HS3ST5: variants seen among roughly 807,000 people sequenced by gnomAD.
The protein encoded by HS3ST5 is heparan sulfate-glucosamine 3-sulfotransferase 5, also known as heparan sulfate glucosamine 3-O-sulfotransferase 5.
Under a neutral mutation model 25.4 loss-of-function variants are expected in HS3ST5, and 10 were observed. The observed-to-expected ratio is 0.39, with a 90% CI of 0.24 to 0.67. HS3ST5 has a LOEUF of 0.67. HS3ST5 is among the 30% of genes least tolerant of loss of function. The pLI is 0.44. For missense variants in HS3ST5, 324 were observed against 420.7 expected (o/e 0.77, Z 2.01); for synonymous variants, 170 against 162.4 (o/e 1.05, Z -0.36).
intron 2 of HS3ST5, among the ~76,000 whole-genome samples, chr6:114,213,663 T>A (rs1452919434): frequency 6.6e-6 from 1 of 152,068 alleles, no homozygotes; most frequent in Non-Finnish European, 1.5e-5. Flanking sequence ...TAAGGTACAA[T>A]CCCAGTTTTA....
At chr6:114,242,726 G>A (rs1196170874) in intron 1 of HS3ST5, among the ~76,000 whole-genome samples, 4 of 151,942 alleles carry the variant, frequency 2.6e-5, no homozygotes, top group South Asian at 2.1e-4. Context: ...GGTGGCGGGC[G>A]CCTGTAGTCC....
At chr6:114,063,980 C>T (rs1459928370) in intron 3 of HS3ST5, among the ~76,000 whole-genome samples, 1 of 152,136 alleles carries the variant, frequency 6.6e-6, no homozygotes. Context: ...AGCTGAGGAG[C>T]GTAGGGCTTT....
chr6:114,127,965 G>A (rs1012611960), intron 3 of HS3ST5, among the ~76,000 whole-genome samples: 3 of 150,894 alleles, frequency 2.0e-5, no homozygotes, highest in African/African-American at 7.3e-5. Flanking sequence ...ATATATATGT[G>A]TGCATATTTA....
chr6:114,327,616 C>A (rs181402303), intron 1 of HS3ST5, among the ~76,000 whole-genome samples: 1 of 151,884 alleles, frequency 6.6e-6, no homozygotes, highest in Non-Finnish European at 1.5e-5. Context: ...TGTGAAAACA[C>A]GCTATATTAT....
chr6:114,090,393 T>A (rs1164894967), intron 3 of HS3ST5, among the ~76,000 whole-genome samples: 1 of 152,172 alleles, frequency 6.6e-6, no homozygotes, highest in African/African-American at 2.4e-5. Context: ...TCTGAAGTAG[T>A]AAATGAATGT....
chr6:114,248,221 T>A (rs190989082), intron 1 of HS3ST5, among the ~76,000 whole-genome samples: 23,864 of 125,400 alleles, frequency 0.19, 2,134 homozygotes, highest in Middle Eastern at 0.31. Context: ...AAAAAAAATA[T>A]ATATATATAT....
At position 114,278,985 on chromosome 6, in the gene HS3ST5, T is replaced by C. The variant is rs1329634942; in HGVS notation, c.-338-50207A>G. On this transcript the variant is annotated intron_variant, in intron 1 of 4. Coordinates refer to ENST00000312719, the MANE Select transcript of HS3ST5 (RefSeq NM_153612.4). ...CCTTTTATTCACTCTTTTTCTACTTTACTGCATCAATTCCACTTAGATAAA... is the reference window on the plus strand; with the variant it reads ...CCTTTTATTCACTCTTTTTCTACTTCACTGCATCAATTCCACTTAGATAAA... Among the ~76,000 whole-genome samples the C allele has an allele frequency of 2.6e-5, 4 of 152,016 alleles. No homozygotes were observed. The East Asian group carries it at 7.7e-4, about 29-fold the overall frequency.
chr6:114,108,119 A>G (rs1359988225), intron 3 of HS3ST5, among the ~76,000 whole-genome samples: 1 of 152,194 alleles, frequency 6.6e-6, no homozygotes, highest in Non-Finnish European at 1.5e-5. Flanking sequence ...GGGTCCAGTC[A>G]AGAGAGGGAA....
rs1396198857 is a variant in HS3ST5, at chr6:114,181,150, C to T, written c.-144-12688G>A. Among the ~76,000 whole-genome samples the T allele has an allele frequency of 2.0e-5, 3 of 152,194 alleles. No homozygotes were observed. In the East Asian group the frequency reaches 5.8e-4, roughly 29 times the overall value. On this transcript the variant is annotated intron_variant, in intron 2 of 4. Transcript: ENST00000312719. Reference sequence around the variant, plus strand: ...CAGGGATTTCTTGATCTTTCCAGATCTTCATCCTGGCCATCACATTATCAG... The same window carrying T: ...CAGGGATTTCTTGATCTTTCCAGATTTTCATCCTGGCCATCACATTATCAG...
chr6:114,177,069 C>T (rs2115015798), intron 2 of HS3ST5, among the ~76,000 whole-genome samples: 1 of 152,166 alleles, frequency 6.6e-6, no homozygotes, highest in East Asian at 1.9e-4. Flanking sequence ...TCCCATTTCC[C>T]TCTCCTGTCC....
At chr6:114,312,460 T>A (rs1483031106) in intron 1 of HS3ST5, among the ~76,000 whole-genome samples, 1 of 152,094 alleles carries the variant, frequency 6.6e-6, no homozygotes, top group Non-Finnish European at 1.5e-5. Flanking sequence ...CAAGAGAAGA[T>A]CCTTGAGGTA....
chr6:114,124,833 A>G (rs932098838), intron 3 of HS3ST5, among the ~76,000 whole-genome samples: 4 of 152,192 alleles, frequency 2.6e-5, no homozygotes, highest in Admixed American at 2.6e-4. Flanking sequence ...GTCATTTGTT[A>G]TATTTCTCTC....
chr6:114,301,295 G>A (rs1775063385), intron 1 of HS3ST5, among the ~76,000 whole-genome samples: 1 of 152,140 alleles, frequency 6.6e-6, no homozygotes, highest in South Asian at 2.1e-4. Flanking sequence ...ATTTTTCTAG[G>A]AAAAGTTAAT....
chr6:114,225,518 T>G (rs1782250654), intron 2 of HS3ST5, among the ~76,000 whole-genome samples: 1 of 151,924 alleles, frequency 6.6e-6, no homozygotes, highest in Non-Finnish European at 1.5e-5. Flanking sequence ...CTTAGGGTCA[T>G]GCCGCTACTA....
Position 114,310,739 on chromosome 6 carries a change from G to A in HS3ST5, c.-339+31456C>T, listed in dbSNP as rs146548538. 5.3e-3 allele frequency among the ~76,000 whole-genome samples: 803 copies of A among 152,158 alleles called. 3 individuals are homozygous for A. The highest frequency in any genetic ancestry group is 9.3e-3 in the Non-Finnish European group (633 of 67,988). On this transcript the variant is annotated intron_variant, in intron 1 of 4. Coordinates refer to ENST00000312719, the MANE Select transcript of HS3ST5 (RefSeq NM_153612.4). ...CGTAGAGTTGAAAAATCATTAAGTT[G>A]AACCTTGATAAGTAGAGAACTGTCT...
chr6:114,057,347 G>A lies in HS3ST5; in HGVS notation c.951C>T (p.Asp317=), dbSNP rs776251681. Residue 317 remains aspartate, a synonymous_variant, in exon 5 of 5, where the codon GAC becomes GAT. Transcript: ENST00000312719. ...TGCGCAATTTAGTAATGACAGAGGG[G>A]TCCACCTCTGGATGAATGCGCCCCT... The part of the protein sequence containing the change: ...GSKGRIHPEV[D]PSVITKLRKF... 3.7e-6 allele frequency: 6 copies of A among 1,613,882 alleles called. No individual in the cohort carries two copies. Among genetic ancestry groups the A allele is most frequent in the Admixed American group, 1.7e-5 (1 of 59,998 alleles).
chr6:114,129,506 T>G (rs1050085102), intron 3 of HS3ST5, among the ~76,000 whole-genome samples: 12 of 152,046 alleles, frequency 7.9e-5, no homozygotes, highest in Admixed American at 3.3e-4. Flanking sequence ...CCGCCTGCCT[T>G]GGCCTCCCAA....
chr6:114,075,185 C>T (rs1774048204), intron 3 of HS3ST5, among the ~76,000 whole-genome samples: 1 of 152,230 alleles, frequency 6.6e-6, no homozygotes. Flanking sequence ...TCCGCATCAT[C>T]TGTTAAACAT....
chr6:114,305,088 T>C (rs766061777), intron 1 of HS3ST5, among the ~76,000 whole-genome samples: 11 of 152,134 alleles, frequency 7.2e-5, no homozygotes, highest in Non-Finnish European at 1.5e-4. Flanking sequence ...ATCTTTCACT[T>C]TGAATGGATC....
Sources: gnomAD v4.1 joint callset for allele counts (sites outside exome capture counted in the v4.1 genomes callset) on GRCh38, gnomAD v4.1.1 for gene constraint, MANE v1.5 for transcripts, NCBI Gene and HGNC (gene_info 2026-07-23, HGNC 2026-07-21) for gene names.